CDHR2: variants seen among roughly 807,000 people sequenced by gnomAD.
The protein encoded by CDHR2 is cadherin related family member 2.
Under a neutral mutation model 138.6 loss-of-function variants are expected in CDHR2, and 104 were observed. The observed-to-expected ratio is 0.75, with a 90% CI of 0.64 to 0.88. The LOEUF (loss-of-function observed/expected upper bound fraction) is 0.88, where lower values mean the gene tolerates loss of function less well. Among genes scored for constraint, CDHR2 ranks in the 40% least tolerant of loss-of-function variants. CDHR2 has a pLI of 0.00. For missense variants in CDHR2, 1,624 were observed against 1,727.6 expected, an observed-to-expected ratio of 0.94 and a Z score of 1.06; for synonymous variants, 755 against 742.8, an observed-to-expected ratio of 1.02 and a Z score of -0.27.
intron 16 of CDHR2, 151 bp downstream of exon 16, chr5:176,578,759 A>G (rs574785040): frequency 1.8e-6 from 2 of 1,099,286 alleles, no homozygotes; most frequent in African/African-American, 3.1e-5. Context: ...AAATGAAGAA[A>G]ATTATAGCCT....
At position 176,577,625 on chromosome 5, in the gene CDHR2, C is replaced by T. The variant is rs111383169; in HGVS notation, c.1351-12C>T. 1 of 1,614,192 alleles carries T rather than the reference C, an allele frequency of 6.2e-7. No individual in the cohort carries two copies. The highest frequency in any genetic ancestry group is 8.5e-7 in the Non-Finnish European group (1 of 1,180,014). On this transcript the variant is annotated splice_polypyrimidine_tract_variant and intron_variant, in intron 13 of 31. Transcript: ENST00000261944. ...TGGGCCCCACAGCTGCTGCCTCCTC[C>T]CCTGCCCCCAGGTTGTGGCCACAGA...
In CDHR2 at chr5:176,569,001, C is replaced by T. The variant is rs1281577646; in HGVS notation, c.306C>T (p.Pro102=). 6.2e-7 allele frequency: 1 copy of T among 1,614,100 alleles called. No individual in the cohort carries two copies. Among genetic ancestry groups the T allele is most frequent in the Non-Finnish European group, 8.5e-7 (1 of 1,179,984 alleles). Residue 102 remains proline, a synonymous_variant, in exon 5 of 32, where the codon CCC becomes CCT. Transcript: ENST00000261944. ...TFKVTISVSD[P]YIQVQREMLV... is the part of the protein sequence containing the mutation. ...AAGTCACCATCTCCGTGAGCGACCC[C>T]TACATCCAGGTGAGTTGGGAGGTGC...
At chr5:176,585,819 A>C in intron 19 of CDHR2, 135 bp from the exon 20 acceptor site, 1 of 687,662 alleles carries the variant, frequency 1.5e-6, no homozygotes, top group Non-Finnish European at 2.6e-6. Context: ...GCTGCGGGGC[A>C]CAGGGTTGAG....
chr5:176,573,386 T>C (rs1401036169), intron 6 of CDHR2, among the ~76,000 whole-genome samples: 2 of 152,070 alleles, frequency 1.3e-5, no homozygotes, highest in African/African-American at 2.4e-5. Context: ...ACACCTATAA[T>C]CCTAGCACTT....
intron 17 of CDHR2, among the ~76,000 whole-genome samples, chr5:176,583,103 T>G (rs769898982): frequency 2.0e-5 from 3 of 152,194 alleles, no homozygotes; most frequent in Non-Finnish European, 4.4e-5. Context: ...TTGCTGGTTG[T>G]CCTTAGGGTG....
At chr5:176,593,481 G>C (rs1758939728) in intron 31 of CDHR2, among the ~76,000 whole-genome samples, 1 of 152,368 alleles carries the variant, frequency 6.6e-6, no homozygotes, top group South Asian at 2.1e-4. Context: ...GCTGGAGCGG[G>C]TCAGCAGGCT....
intron 1 of CDHR2, chr5:176,556,584 C>G: frequency 6.6e-6 from 1 of 152,188 alleles, no homozygotes; most frequent in Admixed American, 6.6e-5. Context: ...AGAATGGCAT[C>G]AACCCGGGAG....
intron 5 of CDHR2, 94 bp from the exon 6 acceptor site, chr5:176,571,119 G>A: frequency 1.4e-6 from 1 of 698,630 alleles, no homozygotes; most frequent in Admixed American, 2.2e-5. Flanking sequence ...AGGTTGATCT[G>A]GATGAAGGAC....
rs1758387880 is a variant in CDHR2 at position 176,576,577 on chromosome 5, C to G, written c.1194+392C>G. Among the ~76,000 whole-genome samples, 1 of 110,712 alleles carries G rather than the reference C, an allele frequency of 9.0e-6. No homozygotes were observed. The highest frequency in any genetic ancestry group is 3.4e-4 in the South Asian group (1 of 2,902). The allele number at this position is 110,712 out of a possible 152,430, so 72.6% of individuals were successfully genotyped here. A position where few individuals can be genotyped will look rare whatever the true frequency, so the allele number is the denominator to read the frequency against. The stretch of plus-strand genomic sequence containing the variant: ...TCTGAGGGTGTGAGGTGGGAGGGTG[C>G]TCTTTTTTTTTTTTTTTGAGATGGA... On this transcript the variant is annotated intron_variant, in intron 12 of 31. Transcript: ENST00000261944. This position sits in a 1 kb window ranked among gnomAD's most constrained non-coding sequence, Gnocchi z 4.5.
intron 16 of CDHR2, among the ~76,000 whole-genome samples, chr5:176,580,532 A>AC (rs1758506520): frequency 6.6e-6 from 1 of 151,102 alleles, no homozygotes; most frequent in Admixed American, 6.6e-5. Context: ...CCACCTCAAA[A>AC]AAAAAAAAAA....
In CDHR2 at chr5:176,584,424, G is replaced by A. The variant is rs773049926; in HGVS notation, c.2143G>A (p.Val715Met). The A allele has an allele frequency of 1.4e-5, 23 of 1,598,020 alleles. No homozygotes were observed. Among genetic ancestry groups the A allele is most frequent in the Admixed American group, 3.4e-5 (2 of 59,404 alleles). ...CTTGTCCACAGGAGTGCTAGTGGGCGTGGTGAAGGCCTGGGACGCGGACCA... is the reference window on the plus strand; with the variant it reads ...CTTGTCCACAGGAGTGCTAGTGGGCATGGTGAAGGCCTGGGACGCGGACCA... ...KEEDPGVLVG[V>M]VKAWDADQTE... The change falls in exon 19 of 32, where the codon GTG becomes ATG. Residue 715 changes from valine to methionine, a missense_variant. Around this residue, in one of 3 missense-constraint regions of CDHR2, gnomAD observed 1,061 missense variants for 1,136.6 expected, o/e 0.93. Transcript: ENST00000261944.
At chr5:176,556,395 G>A (rs190419737) in intron 1 of CDHR2, among the ~76,000 whole-genome samples, 3 of 152,152 alleles carry the variant, frequency 2.0e-5, no homozygotes, top group East Asian at 1.9e-4. Context: ...GGCCGGGCGC[G>A]GTGGCTCACG....
At chr5:176,563,043 G>T (rs1757999628) in intron 1 of CDHR2, among the ~76,000 whole-genome samples, 1 of 152,138 alleles carries the variant, frequency 6.6e-6, no homozygotes, top group Non-Finnish European at 1.5e-5. Flanking sequence ...TCAGTCTCTT[G>T]TCCAGTCAAG....
At chr5:176,564,481 C>A (rs1385262097) in intron 1 of CDHR2, among the ~76,000 whole-genome samples, 1 of 152,248 alleles carries the variant, frequency 6.6e-6, no homozygotes, top group Non-Finnish European at 1.5e-5. Flanking sequence ...AGCCACCACG[C>A]CCAGCCTTGT....
At chr5:176,577,826 T>TG in intron 14 of CDHR2, 28 bp downstream of exon 14, 1 of 1,611,484 alleles carries the variant, frequency 6.2e-7, no homozygotes, top group Non-Finnish European at 8.5e-7. Flanking sequence ...AGTGGGGCTG[T>TG]GGGGTCCCAG....
At chr5:176,583,750 G>A (rs1001988658) in intron 17 of CDHR2, among the ~76,000 whole-genome samples, 4 of 152,362 alleles carry the variant, frequency 2.6e-5, no homozygotes, top group African/African-American at 9.6e-5. Flanking sequence ...GGAGGGACAG[G>A]GGTAGGAGGG....
chr5:176,574,973 G>A, intron 7 of CDHR2, 111 bp from the exon 8 acceptor site: 1 of 1,313,324 alleles, frequency 7.6e-7, no homozygotes, highest in Non-Finnish European at 1.1e-6. Flanking sequence ...CCTGGTGCCA[G>A]TGGCGTGACT....
At position 176,590,636 on chromosome 5, in the gene CDHR2, T is replaced by C; in HGVS notation, c.3488T>C (p.Leu1163Ser). Residue 1163 changes from leucine to serine, a missense_variant, in exon 28 of 32, where the codon TTG becomes TCG. Transcript: ENST00000261944. ...ISVIIGLGVALLLVLVIMTMA... is the reference protein window; with the variant it reads ...ISVIIGLGVASLLVLVIMTMA... The stretch of plus-strand genomic sequence containing the variant: ...GTCATCATAGGATTGGGAGTGGCTT[T>C]GCTGCTGGTCCTTGTGATCATGACC... The C allele has an allele frequency of 6.2e-7, 1 of 1,613,998 alleles. No individual in the cohort carries two copies. Among genetic ancestry groups the C allele is most frequent in the Non-Finnish European group, 8.5e-7 (1 of 1,180,012 alleles).
chr5:176,590,391 G>A, intron 26 of CDHR2, 34 bp from the exon 27 acceptor site: 1 of 1,614,212 alleles, frequency 6.2e-7, no homozygotes, highest in Non-Finnish European at 8.5e-7. Flanking sequence ...GGTGTGCCAA[G>A]GTCCCTCGGG....
Sources: gnomAD v4.1 joint callset for allele counts (sites outside exome capture counted in the v4.1 genomes callset) on GRCh38, gnomAD v4.1.1 for gene constraint, gnomAD v4.1.1 regional missense constraint, Gnocchi (gnomAD v3.1) non-coding constraint, MANE v1.5 for transcripts, NCBI Gene and HGNC (gene_info 2026-07-23, HGNC 2026-07-21) for gene names.